Variants in CEP170 observed in about 807,000 individuals in gnomAD.
CEP170 encodes centrosomal protein of 170 kDa.
Under a neutral mutation model 151.9 loss-of-function variants are expected in CEP170, and 21 were observed. That is an observed-to-expected ratio of 0.14 (90% CI 0.10 to 0.20). CEP170 has a LOEUF of 0.20. Ranked by LOEUF, CEP170 falls within the 10% of genes least tolerant of loss-of-function variation. The pLI is 1.00. For synonymous variants in CEP170, 356 were observed against 648.8 expected (o/e 0.55, Z 6.86); for missense variants, 964 against 1,892.9 (o/e 0.51, Z 9.11).
intron 14 of CEP170, among the ~76,000 whole-genome samples, chr1:243,147,660 T>C (rs2056652922): frequency 6.6e-6 from 1 of 152,250 alleles, no homozygotes; most frequent in South Asian, 2.1e-4. Flanking sequence ...CATTACTGGA[T>C]GACTGTATCT....
intron 7 of CEP170, among the ~76,000 whole-genome samples, chr1:243,194,019 C>T (rs2060479279): frequency 6.6e-6 from 1 of 151,944 alleles, no homozygotes; most frequent in African/African-American, 2.4e-5. Flanking sequence ...CTCTAAAAAA[C>T]CCAAGACAGA....
chr1:243,144,653 G>A (rs2056251726), intron 14 of CEP170, among the ~76,000 whole-genome samples: 1 of 152,074 alleles, frequency 6.6e-6, no homozygotes, highest in Non-Finnish European at 1.5e-5. Context: ...AATATTTGTG[G>A]AAAACAGTAT....
chr1:243,159,763 T>TTGTGTGTGTGTGTGTGTGTGTG (rs565534328), intron 13 of CEP170, among the ~76,000 whole-genome samples: 6,181 of 126,768 alleles, frequency 0.049, 252 homozygotes, highest in South Asian at 0.062. Context: ...GTTTCCGGTT[T>TTGTGTGTGTGTGTGTGTGTGTG]TGTGTGTGTG....
chr1:243,187,947 T>A (rs1274512082), intron 8 of CEP170, among the ~76,000 whole-genome samples: 1 of 152,062 alleles, frequency 6.6e-6, no homozygotes, highest in African/African-American at 2.4e-5. Flanking sequence ...ACTATAAAAA[T>A]CATATATGAC....
intron 13 of CEP170, among the ~76,000 whole-genome samples, chr1:243,160,412 A>G (rs941540141): frequency 6.6e-6 from 1 of 152,108 alleles, no homozygotes; most frequent in African/African-American, 2.4e-5. Context: ...TCATTACAAA[A>G]TTTATTTTTT....
intron 1 of CEP170, among the ~76,000 whole-genome samples, chr1:243,228,793 C>T (rs2063495414): frequency 6.6e-6 from 1 of 152,082 alleles, no homozygotes. Flanking sequence ...ACAATATAAA[C>T]ATACAATAAT....
chr1:243,185,724 C>G lies in CEP170; in HGVS notation c.1566+55G>C. On this transcript the variant is annotated intron_variant, in intron 10 of 19. Coordinates refer to ENST00000366542, the MANE Select transcript of CEP170 (RefSeq NM_014812.3). This position sits in a 1 kb window ranked among gnomAD's most constrained non-coding sequence, Gnocchi z 4.9. ...CATGCTGACTCTCCAATAATTTCCA[C>G]CAGTCAAATACACCACACAACAACT... 3 of 1,512,380 alleles carry G rather than the reference C, an allele frequency of 2.0e-6. No homozygotes were observed. Among genetic ancestry groups the G allele is most frequent in the Non-Finnish European group, 2.7e-6 (3 of 1,130,010 alleles). 93.7% of individuals were successfully genotyped at this position (1,512,380 alleles called of 1,614,324 possible).
chr1:243,194,310 A>C (rs2060499699), intron 7 of CEP170, among the ~76,000 whole-genome samples: 1 of 151,992 alleles, frequency 6.6e-6, no homozygotes, highest in African/African-American at 2.4e-5. Flanking sequence ...AGGCAGTATC[A>C]GTATTATTAT....
intron 14 of CEP170, among the ~76,000 whole-genome samples, chr1:243,146,787 G>A (rs2056546721): frequency 6.6e-6 from 1 of 152,104 alleles, no homozygotes; most frequent in South Asian, 2.1e-4. Flanking sequence ...ACACAGAGGC[G>A]GTAAGAAGTC....
chr1:243,199,378 A>G (rs10436951), intron 6 of CEP170, among the ~76,000 whole-genome samples, 184 bp from the exon 7 acceptor site: 11,035 of 152,174 alleles, frequency 0.073, 900 homozygotes, highest in East Asian at 0.24. Flanking sequence ...AATGTTGGAC[A>G]TGACTAAATA....
At chr1:243,175,821 G>T (rs1289610195) in intron 10 of CEP170, among the ~76,000 whole-genome samples, 2 of 151,960 alleles carry the variant, frequency 1.3e-5, no homozygotes, top group Non-Finnish European at 2.9e-5. Context: ...TTTTGAGACA[G>T]AGTCTCGCTT....
chr1:243,165,092 T>C lies in CEP170; in HGVS notation c.2868A>G (p.Arg956=). The C allele has an allele frequency of 6.2e-7, 1 of 1,611,862 alleles. No individual in the cohort carries two copies. The highest frequency in any genetic ancestry group is 2.2e-5 in the East Asian group (1 of 44,794). Residue 956 remains arginine, a synonymous_variant, in exon 13 of 20, where the codon CGA becomes CGG. Transcript: ENST00000366542. ...CTTTATAGAGGCTAGTGAAACTCTT[T>C]CGCTTTTGGGTTGACTTTCTTTCAG... ...GETERKSTQK[R]KSFTSLYKDR... is the part of the protein sequence containing the mutation.
chr1:243,127,581 C>T (rs1188583348), intron 19 of CEP170, among the ~76,000 whole-genome samples: 2 of 152,028 alleles, frequency 1.3e-5, no homozygotes, highest in African/African-American at 4.8e-5. Context: ...TGTGTTGGGG[C>T]TAAATAAAGA....
chr1:243,226,053 A>ACACACG (rs1558645346), intron 1 of CEP170, among the ~76,000 whole-genome samples: 141 of 13,412 alleles, frequency 0.011, 1 homozygote, highest in African/African-American at 0.011. Flanking sequence ...AGATATATAT[A>ACACACG]TCTAGATATA....
At chr1:243,136,013 A>C in intron 17 of CEP170, 130 bp downstream of exon 17, 1 of 1,426,802 alleles carries the variant, frequency 7.0e-7, no homozygotes, top group African/African-American at 1.4e-5. Context: ...GTAGTACTGG[A>C]TAGATATTTA....
At chr1:243,201,581 A>C (rs1242266111) in intron 4 of CEP170, among the ~76,000 whole-genome samples, 2 of 152,154 alleles carry the variant, frequency 1.3e-5, no homozygotes, top group Admixed American at 6.6e-5. Flanking sequence ...ACTAAATTCT[A>C]TTCCTTACCA....
At chr1:243,254,466 A>G (rs1572735999) in intron 1 of CEP170, 1 of 152,226 alleles carries the variant, frequency 6.6e-6, no homozygotes, top group South Asian at 2.1e-4. Context: ...GGCAGGGTGC[A>G]TGACACCGCG....
At chr1:243,157,356 C>G (rs986422917) in intron 13 of CEP170, among the ~76,000 whole-genome samples, 5 of 147,260 alleles carry the variant, frequency 3.4e-5, no homozygotes, top group Admixed American at 2.0e-4. Context: ...ATCAAACATA[C>G]AAATAATTTG....
intron 4 of CEP170, among the ~76,000 whole-genome samples, chr1:243,205,814 A>C (rs2061376501): frequency 6.6e-6 from 1 of 152,224 alleles, no homozygotes; most frequent in Admixed American, 6.5e-5. Context: ...AGAAGAGATA[A>C]ACAAATTTTA....
Sources: gnomAD v4.1 joint callset for allele counts (sites outside exome capture counted in the v4.1 genomes callset) on GRCh38, gnomAD v4.1.1 for gene constraint, Gnocchi (gnomAD v3.1) non-coding constraint, MANE v1.5 for transcripts, NCBI Gene and HGNC (gene_info 2026-07-23, HGNC 2026-07-21) for gene names.